REEP3: variants seen among roughly 807,000 people sequenced by gnomAD.
REEP3 encodes the protein receptor accessory protein 3.
Under a neutral mutation model 41.3 loss-of-function variants are expected in REEP3, and 20 were observed. That is an observed-to-expected ratio of 0.48 (90% CI 0.34 to 0.70). The LOEUF (loss-of-function observed/expected upper bound fraction) is 0.70. REEP3 is among the 30% of genes least tolerant of loss of function. The pLI, the probability that REEP3 is intolerant of heterozygous loss-of-function variation, is 0.01. For synonymous variants in REEP3, 104 were observed against 101.8 expected (o/e 1.02, Z -0.13); for missense variants, 271 against 308.8 (o/e 0.88, Z 0.92).
At chr10:63,592,183 C>T (rs896037623) in intron 2 of REEP3, among the ~76,000 whole-genome samples, 1 of 152,090 alleles carries the variant, frequency 6.6e-6, no homozygotes, top group Non-Finnish European at 1.5e-5. Flanking sequence ...TGATGGCAGC[C>T]GCTTGTTTAA....
chr10:63,557,893 C>T (rs1955704231), intron 1 of REEP3, among the ~76,000 whole-genome samples: 1 of 152,012 alleles, frequency 6.6e-6, no homozygotes, highest in African/African-American at 2.4e-5. Flanking sequence ...TCCTGGCAAC[C>T]CATGGAGGGA....
Position 63,619,781 on chromosome 10 carries a change from C to T in REEP3, c.692C>T (p.Thr231Ile), listed in dbSNP as rs1247069906. 1 of 1,609,146 alleles carries T rather than the reference C, an allele frequency of 6.2e-7. No homozygotes were observed. Among genetic ancestry groups the T allele is most frequent in the East Asian group, 2.2e-5 (1 of 44,812 alleles). ...RRSQSMKSVK[T>I]TKGRKEVRYG... ...TCGCAAAGCATGAAATCTGTGAAAA[C>T]CACCAAAGGCCGCAAAGAGGTTGGT... Residue 231 changes from threonine (T) to isoleucine (I), a missense_variant, in exon 7 of 8, where the codon ACC (threonine) becomes ATC (isoleucine). Transcript: ENST00000373758.
chr10:63,610,118 G>T, intron 5 of REEP3, 69 bp from the exon 6 acceptor site: 1 of 1,291,922 alleles, frequency 7.7e-7, no homozygotes, highest in Non-Finnish European at 1.1e-6. Flanking sequence ...TTAATAAAAT[G>T]TTCAGGGATA....
At chr10:63,573,905 A>T (rs1018717319) in intron 2 of REEP3, among the ~76,000 whole-genome samples, 2 of 152,082 alleles carry the variant, frequency 1.3e-5, no homozygotes, top group African/African-American at 4.8e-5. Flanking sequence ...TTATGATGGG[A>T]TTTTTACTGA....
At chr10:63,604,967 T>C (rs1956210007) in intron 5 of REEP3, among the ~76,000 whole-genome samples, 1 of 152,158 alleles carries the variant, frequency 6.6e-6, no homozygotes, top group Non-Finnish European at 1.5e-5. Flanking sequence ...CCACGGGACA[T>C]TTTAGGTTGT....
chr10:63,585,841 T>C (rs539965772), intron 2 of REEP3, among the ~76,000 whole-genome samples: 4 of 152,302 alleles, frequency 2.6e-5, no homozygotes, highest in African/African-American at 4.8e-5. Flanking sequence ...CCTCCAACCA[T>C]ACCATATTTC....
intron 6 of REEP3, among the ~76,000 whole-genome samples, chr10:63,612,770 G>A (rs969184817): frequency 6.6e-6 from 1 of 150,524 alleles, no homozygotes; most frequent in Non-Finnish European, 1.5e-5. Flanking sequence ...CAGCCTGGGT[G>A]ACAGAGAGAG....
chr10:63,594,437 G>A (rs979674087), intron 2 of REEP3, among the ~76,000 whole-genome samples: 24 of 152,090 alleles, frequency 1.6e-4, no homozygotes, highest in African/African-American at 2.9e-4. Flanking sequence ...AGTAGATAAC[G>A]TCTTTTAAAG....
intron 1 of REEP3, among the ~76,000 whole-genome samples, chr10:63,539,931 G>A (rs1025519374): frequency 6.6e-6 from 1 of 152,164 alleles, no homozygotes; most frequent in Non-Finnish European, 1.5e-5. Flanking sequence ...AGAAATAGTA[G>A]TGTAGTGTCA....
chr10:63,548,321 G>A (rs931317588), intron 1 of REEP3, among the ~76,000 whole-genome samples: 2 of 151,842 alleles, frequency 1.3e-5, no homozygotes, highest in African/African-American at 2.4e-5. Context: ...TTTTTATTTT[G>A]TGCTATTAAA....
In REEP3 at chr10:63,620,864, T is replaced by C; in HGVS notation, c.763T>C (p.Phe255Leu). ...AGTGAAGAAACGACCACAAGTGTAT[T>C]TTTAGTCATCTACACGTCAAATATC... Reference protein sequence around the residue: ...YKVKKRPQVYF With the variant: ...YKVKKRPQVYL The change falls in exon 8 of 8, where the codon TTT (phenylalanine) becomes CTT (leucine). Residue 255 changes from phenylalanine to leucine, a missense_variant. Transcript: ENST00000373758. 1 of 1,604,570 alleles carries C rather than the reference T, an allele frequency of 6.2e-7. No individual in the cohort carries two copies. Among genetic ancestry groups the C allele is most frequent in the Non-Finnish European group, 8.5e-7 (1 of 1,172,926 alleles).
intron 2 of REEP3, among the ~76,000 whole-genome samples, chr10:63,591,207 G>A (rs373943554): frequency 5.6e-4 from 84 of 150,620 alleles, no homozygotes; most frequent in Middle Eastern, 6.8e-3. Flanking sequence ...ATGGCCTTGA[G>A]GTGTAGTTTT....
intron 2 of REEP3, among the ~76,000 whole-genome samples, chr10:63,594,123 A>G (rs1245935013): frequency 6.6e-6 from 1 of 151,876 alleles, no homozygotes; most frequent in Non-Finnish European, 1.5e-5. Context: ...CATGCCTGCA[A>G]TCCCAGCATG....
At chr10:63,604,124 T>C (rs892864545) in intron 5 of REEP3, among the ~76,000 whole-genome samples, 1 of 152,232 alleles carries the variant, frequency 6.6e-6, no homozygotes, top group Non-Finnish European at 1.5e-5. Flanking sequence ...TTTCCCAGGT[T>C]GAACCACCTG....
At chr10:63,554,402 G>A (rs947024138) in intron 1 of REEP3, among the ~76,000 whole-genome samples, 1 of 152,174 alleles carries the variant, frequency 6.6e-6, no homozygotes, top group African/African-American at 2.4e-5. Flanking sequence ...TAGTATGCCT[G>A]TGGAATTACA....
intron 5 of REEP3, among the ~76,000 whole-genome samples, chr10:63,605,356 G>A (rs1564490695): frequency 1.3e-5 from 2 of 152,106 alleles, no homozygotes; most frequent in African/African-American, 4.8e-5. Flanking sequence ...AATGTGCATG[G>A]GGAAATGAGA....
rs1320531644 is a variant in REEP3, at chr10:63,624,813, C to T, written c.*3944C>T. 1.3e-5 allele frequency: 2 copies of T among 152,078 alleles called. No homozygotes were observed. The highest frequency in any genetic ancestry group is 2.9e-5 in the Non-Finnish European group (2 of 67,954). The allele number at this position is 152,078 out of a possible 1,614,324, so 9.4% of individuals were successfully genotyped here. A position where few individuals can be genotyped will look rare whatever the true frequency, so the allele number is the denominator to read the frequency against. ...TAGGAAAAACAATGAGTACAGAAAT[C>T]CTCACCATCAATTTGGATGGGTTAG... is the stretch of plus-strand genomic sequence containing the variant. On this transcript the variant is annotated 3_prime_UTR_variant, in exon 8 of 8. Coordinates refer to ENST00000373758, the MANE Select transcript of REEP3 (RefSeq NM_001001330.3).
At chr10:63,588,840 A>G (rs1036893824) in intron 2 of REEP3, among the ~76,000 whole-genome samples, 1 of 152,226 alleles carries the variant, frequency 6.6e-6, no homozygotes, top group African/African-American at 2.4e-5. Context: ...GAGATATTCG[A>G]ACACAGACCT....
intron 3 of REEP3, among the ~76,000 whole-genome samples, chr10:63,596,439 A>G (rs928077286): frequency 6.6e-6 from 1 of 152,164 alleles, no homozygotes; most frequent in Non-Finnish European, 1.5e-5. Context: ...AACATGAACA[A>G]CTGAATCCAG....
Sources: gnomAD v4.1 joint callset for allele counts (sites outside exome capture counted in the v4.1 genomes callset) on GRCh38, gnomAD v4.1.1 for gene constraint, MANE v1.5 for transcripts, NCBI Gene and HGNC (gene_info 2026-07-23, HGNC 2026-07-21) for gene names.